The following VSIR variants were observed in gnomAD, a reference collection of about 807,000 sequenced individuals.
VSIR encodes V-type immunoglobulin domain-containing suppressor of T-cell activation.
In VSIR, 10 loss-of-function variants were observed where a neutral mutation model predicts 31.0. That is an observed-to-expected ratio of 0.32 (90% CI 0.20 to 0.55). The LOEUF (loss-of-function observed/expected upper bound fraction) is 0.55. Ranked by LOEUF, VSIR falls within the 20% of genes least tolerant of loss-of-function variation. The pLI, the probability that VSIR is intolerant of heterozygous loss-of-function variation, is 0.93. For missense variants in VSIR, 356 were observed against 416.2 expected, an observed-to-expected ratio of 0.86 and a Z score of 1.26; for synonymous variants, 179 against 180.1, an observed-to-expected ratio of 0.99 and a Z score of 0.05.
Position 71,751,100 on chromosome 10 carries a change from G to A in VSIR, c.*153C>T. Reference sequence around the variant, plus strand: ...CCCATGTAGCATCCAGAGGGGTTGAGGGGCTGGGCTTCTGGGATGTCACAG... The same window carrying A: ...CCCATGTAGCATCCAGAGGGGTTGAAGGGCTGGGCTTCTGGGATGTCACAG... On this transcript the variant is annotated 3_prime_UTR_variant, in exon 7 of 7. Coordinates refer to ENST00000394957, the MANE Select transcript of VSIR (RefSeq NM_022153.2). The surrounding 1 kb of genome is among the most constrained non-coding windows in gnomAD (Gnocchi z 4.9). The A allele has an allele frequency of 1.1e-6, 1 of 915,016 alleles. No homozygotes were observed. The highest frequency in any genetic ancestry group is 1.8e-5 in the South Asian group (1 of 56,634). 56.7% of individuals were successfully genotyped at this position (915,016 alleles called of 1,614,324 possible). A position where few individuals can be genotyped will look rare whatever the true frequency, so the allele number is the denominator to read the frequency against.
Position 71,755,362 on chromosome 10 carries a change from G to T in VSIR, c.673C>A (p.Arg225Ser). Residue 225 changes from arginine (R) to serine (S), a missense_variant, in exon 4 of 7, where the codon CGC becomes AGC. Coordinates refer to ENST00000394957, the MANE Select transcript of VSIR (RefSeq NM_022153.2). ...VYKQRQAASNRRAQELVRMDS... is the reference protein window; with the variant it reads ...VYKQRQAASNSRAQELVRMDS... ...CCAGGCAGGGAGGAATACTCACGGCGGTTGGAGGCTGCCTGCCTTTGCTTG... is the reference window on the plus strand; with the variant it reads ...CCAGGCAGGGAGGAATACTCACGGCTGTTGGAGGCTGCCTGCCTTTGCTTG... 1.2e-6 allele frequency: 2 copies of T among 1,607,660 alleles called. No homozygotes were observed. The highest frequency in any genetic ancestry group is 1.7e-6 in the Non-Finnish European group (2 of 1,176,070).
chr10:71,759,842 C>CATAT lies in VSIR; in HGVS notation c.568+1025_568+1026insATAT, dbSNP rs1840257209. 2.0e-4 allele frequency among the ~76,000 whole-genome samples: 8 copies of CATAT among 40,112 alleles called. 3 individuals carry two copies. In the Admixed American group the frequency reaches 2.1e-3, roughly 11 times the overall value. The allele number at this position is 40,112 out of a possible 152,430, so 26.3% of individuals were successfully genotyped here. On this transcript the variant is annotated intron_variant, in intron 3 of 6. Transcript: ENST00000394957. ...ATATACACACACACACACACACACA[C>CATAT]ACACATATACACACACACACACATA...
intron 3 of VSIR, chr10:71,760,616 G>A (rs534765562): frequency 1.7e-5 from 8 of 471,986 alleles, no homozygotes; most frequent in Middle Eastern, 3.3e-4. Flanking sequence ...CTGGCCAAAG[G>A]TCACTGCCAA....
intron 5 of VSIR, among the ~76,000 whole-genome samples, chr10:71,752,522 C>T (rs1156538630): frequency 1.3e-5 from 2 of 152,210 alleles, no homozygotes; most frequent in Non-Finnish European, 2.9e-5. Context: ...TCCCCTCTGC[C>T]CCTAGACCCA....
In VSIR at chr10:71,773,429, G is replaced by C. The variant is rs764392258; in HGVS notation, c.11C>G (p.Pro4Arg). Residue 4 changes from proline to arginine, a missense_variant, in exon 1 of 7, where the codon CCC becomes CGC. Pro to Arg is a moderately radical substitution (Grantham distance 103, BLOSUM62 -2). Transcript: ENST00000394957. MGV[P>R]TALEAGSWRW... ...CCAGCTGCCGGCCTCCAGGGCCGTG[G>C]GGACGCCCATGTCGCCGTCGGACGC... 2 of 1,600,644 alleles carry C rather than the reference G, an allele frequency of 1.2e-6. No homozygotes were observed. The highest frequency in any genetic ancestry group is 2.7e-5 in the African/African-American group (2 of 74,730).
At chr10:71,766,778 G>A (rs1840556148) in intron 1 of VSIR, among the ~76,000 whole-genome samples, 1 of 152,138 alleles carries the variant, frequency 6.6e-6, no homozygotes, top group Non-Finnish European at 1.5e-5. Flanking sequence ...CTGTGTGACT[G>A]AGCTGAGATT....
At position 71,751,160 on chromosome 10, in the gene VSIR, GC is replaced by G; in HGVS notation, c.*92del. ...CCAGAGCAGGAGGGAGGGAACCAGG[GC>G]CGAGGCCAAGGAGGCCACTCACAGA... is the stretch of plus-strand genomic sequence containing the variant. On this transcript the variant is annotated 3_prime_UTR_variant, in exon 7 of 7. Transcript: ENST00000394957. This position sits in a 1 kb window ranked among gnomAD's most constrained non-coding sequence, Gnocchi z 4.9. 1 of 1,434,884 alleles carries G rather than the reference GC, an allele frequency of 7.0e-7. No individual in the cohort carries two copies. The highest frequency in any genetic ancestry group is 9.5e-7 in the Non-Finnish European group (1 of 1,051,656). 88.9% of individuals were successfully genotyped at this position (1,434,884 alleles called of 1,614,324 possible).
In VSIR at chr10:71,761,864, G is replaced by A; in HGVS notation, c.245C>T (p.Thr82Ile). ...GCGGATGGGCCGGCGCTCTGAGCAGGTCTGCACCTCGCCCCTCGAGCTGCG... is the reference window on the plus strand; with the variant it reads ...GCGGATGGGCCGGCGCTCTGAGCAGATCTGCACCTCGCCCCTCGAGCTGCG... ...WYRSSRGEVQTCSERRPIRNL... is the reference protein window; with the variant it reads ...WYRSSRGEVQICSERRPIRNL... Residue 82 changes from threonine (T) to isoleucine (I), a missense_variant, in exon 2 of 7, where the codon ACC (threonine) becomes ATC (isoleucine). By Grantham distance (89) the Thr-to-Ile change is moderately conservative. Around this residue, in one of 2 missense-constraint regions of VSIR, gnomAD observed 166 missense variants for 231.0 expected, o/e 0.72. Coordinates refer to ENST00000394957, the MANE Select transcript of VSIR (RefSeq NM_022153.2). 3 of 1,614,148 alleles carry A rather than the reference G, an allele frequency of 1.9e-6. No homozygotes were observed. The highest frequency in any genetic ancestry group is 2.5e-6 in the Non-Finnish European group (3 of 1,180,030).
Position 71,759,768 on chromosome 10 carries a change from C to T in VSIR, c.568+1100G>A, listed in dbSNP as rs141853352. Reference sequence around the variant, plus strand: ...CGGAGGTTGCAGTGAGCCCAGATCGCGCCACTGCACTCCAGCCTGGGTAAC... The same window carrying T: ...CGGAGGTTGCAGTGAGCCCAGATCGTGCCACTGCACTCCAGCCTGGGTAAC... On this transcript the variant is annotated intron_variant, in intron 3 of 6. Transcript: ENST00000394957. 3.2e-3 allele frequency among the ~76,000 whole-genome samples: 478 copies of T among 150,770 alleles called. 7 individuals are homozygous for T. The highest frequency in any genetic ancestry group is 0.011 in the African/African-American group (442 of 40,864).
At chr10:71,760,554 G>A (rs567478482) in intron 3 of VSIR, 1 of 273,242 alleles carries the variant, frequency 3.7e-6, no homozygotes, top group South Asian at 7.4e-5. Flanking sequence ...CTGGTGGGCA[G>A]GGCGGCACTT....
At chr10:71,752,244 C>T (rs1564775270) in intron 5 of VSIR, among the ~76,000 whole-genome samples, 1 of 152,238 alleles carries the variant, frequency 6.6e-6, no homozygotes, top group African/African-American at 2.4e-5. Flanking sequence ...TCCCCAAAGC[C>T]TGTCTTGAGC....
At chr10:71,760,306 T>TACAC (rs142089504) in intron 3 of VSIR, among the ~76,000 whole-genome samples, 1 of 86,502 alleles carries the variant, frequency 1.2e-5, no homozygotes, top group Non-Finnish European at 2.9e-5. Flanking sequence ...TATATGTATA[T>TACAC]ACACACACAT....
At chr10:71,761,391 G>A (rs1039533715) in intron 2 of VSIR, among the ~76,000 whole-genome samples, 12 of 151,912 alleles carry the variant, frequency 7.9e-5, no homozygotes, top group Admixed American at 5.9e-4. Context: ...ATGGAGCCAG[G>A]TACACCCTCC....
chr10:71,762,274 C>T lies in VSIR; in HGVS notation c.83-248G>A, dbSNP rs1197181717. 2.6e-5 allele frequency among the ~76,000 whole-genome samples: 4 copies of T among 152,224 alleles called. No individual in the cohort carries two copies. The East Asian group carries it at 7.7e-4, about 29-fold the overall frequency. ...GGATGCTGGACAGGGCAGGGAGAGA[C>T]TTGGAGGGCAGTGATGCAGTCGGGT... On this transcript the variant is annotated intron_variant, in intron 1 of 6. Transcript: ENST00000394957.
chr10:71,764,782 G>C (rs1160467885), intron 1 of VSIR, among the ~76,000 whole-genome samples: 1 of 152,148 alleles, frequency 6.6e-6, no homozygotes. Flanking sequence ...AGCTGGCATG[G>C]GACTCTACTG....
chr10:71,756,124 G>A (rs1211482033), intron 3 of VSIR, among the ~76,000 whole-genome samples: 5 of 152,024 alleles, frequency 3.3e-5, no homozygotes, highest in Admixed American at 2.6e-4. Flanking sequence ...CTTGTACAAT[G>A]TTTTTCAATT....
chr10:71,752,334 G>C (rs1197735852), intron 5 of VSIR, among the ~76,000 whole-genome samples: 1 of 152,240 alleles, frequency 6.6e-6, no homozygotes, highest in Admixed American at 6.5e-5. Context: ...GATTCTAGAT[G>C]AGTTGCAAGC....
intron 3 of VSIR, among the ~76,000 whole-genome samples, chr10:71,760,004 T>TATATACACACACAC (rs1840287801): frequency 1.9e-5 from 1 of 53,028 alleles, no homozygotes; most frequent in African/African-American, 6.3e-5. Flanking sequence ...CACACATACA[T>TATATACACACACAC]ATATATACAC....
At chr10:71,762,429 C>T (rs1055669486) in intron 1 of VSIR, among the ~76,000 whole-genome samples, 5 of 152,240 alleles carry the variant, frequency 3.3e-5, no homozygotes, top group African/African-American at 1.2e-4. Flanking sequence ...CACCTCTGCC[C>T]CTTCCTACTC....
Sources: gnomAD v4.1 joint callset for allele counts (sites outside exome capture counted in the v4.1 genomes callset) on GRCh38, gnomAD v4.1.1 for gene constraint, gnomAD v4.1.1 regional missense constraint, Gnocchi (gnomAD v3.1) non-coding constraint, MANE v1.5 for transcripts, NCBI Gene and HGNC (gene_info 2026-07-23, HGNC 2026-07-21) for gene names.